PPHLN1: variants seen among roughly 807,000 people sequenced by gnomAD.
The protein encoded by PPHLN1 is periphilin-1.
Under a neutral mutation model 51.3 loss-of-function variants are expected in PPHLN1, and 29 were observed. The observed-to-expected ratio is 0.57, with a 90% CI of 0.42 to 0.77. PPHLN1 has a LOEUF of 0.77. PPHLN1 is among the 30% of genes least tolerant of loss of function. PPHLN1 has a pLI of 0.00. For synonymous variants in PPHLN1, 147 were observed against 147.8 expected (o/e 0.99, Z 0.04); for missense variants, 436 against 438.4 (o/e 0.99, Z 0.05).
At chr12:42,382,504 G>A (rs1192899635) in intron 5 of PPHLN1, among the ~76,000 whole-genome samples, 2 of 152,106 alleles carry the variant, frequency 1.3e-5, no homozygotes, top group Non-Finnish European at 2.9e-5. Flanking sequence ...AAGCAGGGAG[G>A]TAGTGTCTGC....
chr12:42,350,663 A>C (rs1362106587), intron 2 of PPHLN1, among the ~76,000 whole-genome samples: 1 of 152,180 alleles, frequency 6.6e-6, no homozygotes, highest in Non-Finnish European at 1.5e-5. Flanking sequence ...ACTGCACTCC[A>C]GCCTGGGCAA....
chr12:42,410,632 G>A (rs563125151), intron 9 of PPHLN1, among the ~76,000 whole-genome samples: 1 of 152,332 alleles, frequency 6.6e-6, no homozygotes, highest in South Asian at 2.1e-4. Context: ...GCTAATTCCA[G>A]CTAATGAAGA....
At chr12:42,408,957 T>C (rs1161183393) in intron 9 of PPHLN1, among the ~76,000 whole-genome samples, 9 of 152,326 alleles carry the variant, frequency 5.9e-5, no homozygotes, top group African/African-American at 2.2e-4. Flanking sequence ...CTGAACCCAA[T>C]ATTTTTCCTA....
In PPHLN1 at chr12:42,441,299, G is replaced by A. The variant is rs1434639061; in HGVS notation, c.910-16G>A. On this transcript the variant is annotated splice_polypyrimidine_tract_variant and intron_variant, in intron 9 of 9. Coordinates refer to ENST00000358314, the MANE Select transcript of PPHLN1 (RefSeq NM_201439.2). ...ATTTTCATTCTCAGCTAACCAGAAT[G>A]TGTTTTACCTTTTAGGTTTACCGAC... 1 of 1,596,956 alleles carries A rather than the reference G, an allele frequency of 6.3e-7. No individual in the cohort carries two copies. The highest frequency in any genetic ancestry group is 8.5e-7 in the Non-Finnish European group (1 of 1,170,196).
intron 2 of PPHLN1, among the ~76,000 whole-genome samples, chr12:42,340,819 G>A (rs2071366316): frequency 6.6e-6 from 1 of 152,190 alleles, no homozygotes. Flanking sequence ...TGAAAAGGCA[G>A]ATTTTTTTTG....
At chr12:42,384,908 CTGT>C in intron 5 of PPHLN1, 29 bp from the exon 6 acceptor site, 1 of 1,560,466 alleles carries the variant, frequency 6.4e-7, no homozygotes. Flanking sequence ...AGAGGTGCTG[CTGT>C]TAATTCCTCC....
intron 9 of PPHLN1, among the ~76,000 whole-genome samples, chr12:42,410,653 A>G (rs1339871752): frequency 6.6e-6 from 1 of 152,248 alleles, no homozygotes; most frequent in Non-Finnish European, 1.5e-5. Context: ...TAAATATTAC[A>G]GTGAGTCTTC....
chr12:42,406,608 A>G (rs1022321423), intron 9 of PPHLN1, among the ~76,000 whole-genome samples: 6 of 151,762 alleles, frequency 4.0e-5, no homozygotes, highest in African/African-American at 1.2e-4. Context: ...ATTCTTGTCC[A>G]TTTTTCTAAT....
chr12:42,444,283 A>G (rs1015467845), downstream of PPHLN1: 28 of 151,852 alleles, frequency 1.8e-4, no homozygotes, highest in African/African-American at 6.5e-4. Flanking sequence ...GATATTAACT[A>G]TCTTTGCCCC....
chr12:42,436,452 C>T (rs1317521740), intron 9 of PPHLN1, among the ~76,000 whole-genome samples: 1 of 152,200 alleles, frequency 6.6e-6, no homozygotes, highest in East Asian at 1.9e-4. Context: ...GACTCATGTA[C>T]TTAACTTCCT....
At chr12:42,422,076 G>A (rs1010621382) in intron 9 of PPHLN1, among the ~76,000 whole-genome samples, 3 of 151,996 alleles carry the variant, frequency 2.0e-5, no homozygotes, top group Admixed American at 6.5e-5. Context: ...GAGTGCACAG[G>A]GTCAGATTTC....
intron 9 of PPHLN1, among the ~76,000 whole-genome samples, chr12:42,415,002 T>C (rs1417511789): frequency 1.3e-5 from 2 of 152,196 alleles, no homozygotes; most frequent in African/African-American, 4.8e-5. Flanking sequence ...CTGCTGACTC[T>C]TACTCGTGGT....
intron 4 of PPHLN1, among the ~76,000 whole-genome samples, chr12:42,365,425 G>A (rs1323695329): frequency 6.6e-6 from 1 of 152,078 alleles, no homozygotes; most frequent in African/African-American, 2.4e-5. Flanking sequence ...CCCTTCCCTT[G>A]TATCCCTTTC....
At chr12:42,357,907 C>T (rs1371372816) in intron 4 of PPHLN1, among the ~76,000 whole-genome samples, 1 of 152,122 alleles carries the variant, frequency 6.6e-6, no homozygotes, top group Non-Finnish European at 1.5e-5. Context: ...ATCTCTGTCT[C>T]TCATTCCACT....
At chr12:42,401,648 CCT>C (rs2078855412) in intron 9 of PPHLN1, among the ~76,000 whole-genome samples, 1 of 151,996 alleles carries the variant, frequency 6.6e-6, no homozygotes, top group Non-Finnish European at 1.5e-5. Flanking sequence ...GGTTGTGTGC[CCT>C]CTCACTCCTT....
Position 42,335,870 on chromosome 12 carries a change from T to A in PPHLN1, c.-20-13T>A. 1 of 1,482,392 alleles carries A rather than the reference T, an allele frequency of 6.7e-7. No individual in the cohort carries two copies. The highest frequency in any genetic ancestry group is 9.1e-7 in the Non-Finnish European group (1 of 1,101,346). 91.8% of individuals were successfully genotyped at this position (1,482,392 alleles called of 1,614,324 possible). On this transcript the variant is annotated splice_polypyrimidine_tract_variant and intron_variant, in intron 1 of 9. Coordinates refer to ENST00000358314, the MANE Select transcript of PPHLN1 (RefSeq NM_201439.2). ...CCTAGTATAAAATCCATAATTCTTT[T>A]TTTTTTCTTTAGTGGCTTACAGAAG...
chr12:42,408,347 A>G (rs1286959266), intron 9 of PPHLN1, among the ~76,000 whole-genome samples: 3 of 151,164 alleles, frequency 2.0e-5, no homozygotes, highest in Non-Finnish European at 4.4e-5. Context: ...TGTCTGTACT[A>G]AAAAAATACA....
intron 5 of PPHLN1, among the ~76,000 whole-genome samples, chr12:42,380,119 T>TG (rs1428088553): frequency 1.3e-5 from 2 of 152,052 alleles, no homozygotes; most frequent in East Asian, 3.8e-4. Flanking sequence ...TATCTTGCTT[T>TG]GTTGTTGTAA....
chr12:42,364,452 C>T (rs1372060907), intron 4 of PPHLN1, among the ~76,000 whole-genome samples: 1 of 151,794 alleles, frequency 6.6e-6, no homozygotes, highest in South Asian at 2.1e-4. Flanking sequence ...CAACATAAGG[C>T]GACCCCATTT....
Sources: gnomAD v4.1 joint callset for allele counts (sites outside exome capture counted in the v4.1 genomes callset) on GRCh38, gnomAD v4.1.1 for gene constraint, MANE v1.5 for transcripts, NCBI Gene and HGNC (gene_info 2026-07-23, HGNC 2026-07-21) for gene names.